The following SLC25A21 variants were observed in gnomAD, a reference collection of about 807,000 sequenced individuals.
SLC25A21 encodes the protein solute carrier family 25 member 21, also known as mitochondrial 2-oxodicarboxylate carrier.
Under a neutral mutation model 43.8 loss-of-function variants are expected in SLC25A21, and 47 were observed. That is an observed-to-expected ratio of 1.07 (90% CI 0.85 to 1.37). The LOEUF is 1.37. SLC25A21 is among the 40% of genes most tolerant of loss of function. The pLI is 0.00. For missense variants in SLC25A21, 352 were observed against 350.2 expected, an observed-to-expected ratio of 1.00 and a Z score of -0.04; for synonymous variants, 131 against 121.3, an observed-to-expected ratio of 1.08 and a Z score of -0.52.
rs569700410 is a variant in SLC25A21, at chr14:36,820,800, G to A, written c.120-6799C>T. Among the ~76,000 whole-genome samples, 11 of 152,254 alleles carry A rather than the reference G, an allele frequency of 7.2e-5. No individual in the cohort carries two copies. In the South Asian group the frequency reaches 1.7e-3, roughly 23 times the overall value. Reference sequence around the variant, plus strand: ...GATAATAAGTGGTGATGAGCCTAACGAAACTCCCTGCAGAGATTTCCGTGA... The same window carrying A: ...GATAATAAGTGGTGATGAGCCTAACAAAACTCCCTGCAGAGATTTCCGTGA... On this transcript the variant is annotated intron_variant, in intron 2 of 9. Transcript: ENST00000331299.
In SLC25A21 at chr14:37,102,730, A is replaced by T. The variant is rs538035655; in HGVS notation, c.70+69551T>A. Among the ~76,000 whole-genome samples, 11 of 151,730 alleles carry T rather than the reference A, an allele frequency of 7.2e-5. No individual in the cohort carries two copies. The South Asian group carries it at 2.1e-3, about 29-fold the overall frequency. On this transcript the variant is annotated intron_variant, in intron 1 of 9. Coordinates refer to ENST00000331299, the MANE Select transcript of SLC25A21 (RefSeq NM_030631.4). ...GCTGGGCATGGTGGCTCATACCTGT[A>T]ATCGCAGCACTTTGGGAGGCTGACG... is the stretch of plus-strand genomic sequence containing the variant.
chr14:37,069,453 C>A (rs1962129181), intron 1 of SLC25A21, among the ~76,000 whole-genome samples: 1 of 152,086 alleles, frequency 6.6e-6, no homozygotes, highest in South Asian at 2.1e-4. Context: ...GCGTAGACAT[C>A]CTTTAAAAAC....
In SLC25A21 at chr14:36,996,786, C is replaced by T. The variant is rs186241440; in HGVS notation, c.71-121782G>A. 1.5e-3 allele frequency among the ~76,000 whole-genome samples: 225 copies of T among 152,242 alleles called. 1 individual carries two copies. The highest frequency in any genetic ancestry group is 5.0e-3 in the African/African-American group (208 of 41,564). Reference sequence around the variant, plus strand: ...TCTCACAGGAGAAGTGACTTGGCCACGGCCCTGTCTCCTCAGAGTGTGTTC... The same window carrying T: ...TCTCACAGGAGAAGTGACTTGGCCATGGCCCTGTCTCCTCAGAGTGTGTTC... On this transcript the variant is annotated intron_variant, in intron 1 of 9. Coordinates refer to ENST00000331299, the MANE Select transcript of SLC25A21 (RefSeq NM_030631.4).
chr14:36,851,144 A>T (rs1203527612), intron 2 of SLC25A21, among the ~76,000 whole-genome samples: 3 of 152,222 alleles, frequency 2.0e-5, no homozygotes, highest in Non-Finnish European at 4.4e-5. Flanking sequence ...ATAGTTAACT[A>T]AACTTGGTAT....
At chr14:36,739,871 T>A (rs1483244419) in intron 3 of SLC25A21, among the ~76,000 whole-genome samples, 1 of 152,096 alleles carries the variant, frequency 6.6e-6, no homozygotes, top group Admixed American at 6.5e-5. Flanking sequence ...TTCAAACCCA[T>A]CATGGTGGCC....
At chr14:36,686,671 G>T (rs911814239) in intron 7 of SLC25A21, among the ~76,000 whole-genome samples, 4 of 152,210 alleles carry the variant, frequency 2.6e-5, no homozygotes, top group Non-Finnish European at 5.9e-5. Flanking sequence ...CAAACATTCT[G>T]TGAAAAGATG....
chr14:36,882,235 TAGTC>T (rs1890753700), intron 1 of SLC25A21, among the ~76,000 whole-genome samples: 1 of 151,922 alleles, frequency 6.6e-6, no homozygotes, highest in African/African-American at 2.4e-5. Flanking sequence ...ATACAAAAAT[TAGTC>T]AGGCGTGGTG....
intron 3 of SLC25A21, among the ~76,000 whole-genome samples, chr14:36,796,387 C>T (rs1403656370): frequency 2.0e-5 from 2 of 102,072 alleles, no homozygotes; most frequent in Admixed American, 2.0e-4. Flanking sequence ...CTCTCTTTCT[C>T]TTTCTTTCTC....
chr14:36,814,867 C>T (rs1197796894), intron 2 of SLC25A21, among the ~76,000 whole-genome samples: 1 of 152,172 alleles, frequency 6.6e-6, no homozygotes, highest in Non-Finnish European at 1.5e-5. Flanking sequence ...GACACATGCA[C>T]TTGTGTGTTT....
At chr14:36,781,128 T>A (rs1259062230) in intron 3 of SLC25A21, among the ~76,000 whole-genome samples, 1 of 152,178 alleles carries the variant, frequency 6.6e-6, no homozygotes, top group Non-Finnish European at 1.5e-5. Context: ...TTTGCCTGTA[T>A]AAGGATAGCC....
intron 1 of SLC25A21, among the ~76,000 whole-genome samples, chr14:36,876,958 T>C (rs897162331): frequency 2.0e-5 from 3 of 147,224 alleles, no homozygotes; most frequent in East Asian, 2.1e-4. Context: ...CACATACATA[T>C]ACATATATTA....
intron 3 of SLC25A21, among the ~76,000 whole-genome samples, chr14:36,773,490 C>T (rs966701088): frequency 1.3e-5 from 2 of 152,154 alleles, no homozygotes; most frequent in African/African-American, 4.8e-5. Context: ...GCAAAAACAA[C>T]ATGGATCTAT....
intron 1 of SLC25A21, among the ~76,000 whole-genome samples, chr14:36,966,060 T>C (rs542898102): frequency 1.3e-5 from 2 of 152,238 alleles, no homozygotes; most frequent in South Asian, 4.1e-4. Context: ...AATTAAACTC[T>C]TAAACAAACA....
intron 1 of SLC25A21, among the ~76,000 whole-genome samples, chr14:37,171,649 C>A (rs1446592746): frequency 6.6e-6 from 1 of 152,120 alleles, no homozygotes; most frequent in East Asian, 1.9e-4. Flanking sequence ...AAAAGTATTT[C>A]TAAGATTAAT....
intron 3 of SLC25A21, among the ~76,000 whole-genome samples, chr14:36,809,449 TGTTGA>T (rs1319939874): frequency 6.6e-6 from 1 of 152,150 alleles, no homozygotes; most frequent in Admixed American, 6.5e-5. Context: ...TGTAAAGCTG[TGTTGA>T]AAAGCCATGT....
At chr14:37,081,134 G>A (rs963539718) in intron 1 of SLC25A21, among the ~76,000 whole-genome samples, 1 of 152,160 alleles carries the variant, frequency 6.6e-6, no homozygotes, top group Non-Finnish European at 1.5e-5. Context: ...CATGATCCCT[G>A]TAAAGTGTTT....
chr14:36,684,845 A>G lies in SLC25A21; in HGVS notation c.684T>C (p.Phe228=), dbSNP rs760372757. ...CTTGAATCCTACTTTTGGCAACATCAAAAGGGATGTTAATGACTGAGGCTA... is the reference window on the plus strand; with the variant it reads ...CTTGAATCCTACTTTTGGCAACATCGAAAGGGATGTTAATGACTGAGGCTA... The part of the protein sequence containing the change: ...GTIASVINIP[F]DVAKSRIQGP... The change falls in exon 8 of 10, where the codon TTT becomes TTC. Residue 228 remains phenylalanine (F), a synonymous_variant. Transcript: ENST00000331299. 3.1e-6 allele frequency: 5 copies of G among 1,614,100 alleles called. No individual in the cohort carries two copies. Among genetic ancestry groups the G allele is most frequent in the Non-Finnish European group, 4.2e-6 (5 of 1,179,970 alleles).
intron 1 of SLC25A21, among the ~76,000 whole-genome samples, chr14:36,905,056 T>C (rs1274383479): frequency 6.6e-6 from 1 of 151,944 alleles, no homozygotes; most frequent in African/African-American, 2.4e-5. Flanking sequence ...AATTATTGGT[T>C]CTAAGGTACA....
intron 1 of SLC25A21, among the ~76,000 whole-genome samples, chr14:37,068,012 G>A (rs187453180): frequency 6.6e-6 from 1 of 152,344 alleles, no homozygotes; most frequent in Non-Finnish European, 1.5e-5. Context: ...CAGCAAAGCT[G>A]GATAGTGGTG....
Sources: gnomAD v4.1 joint callset for allele counts (sites outside exome capture counted in the v4.1 genomes callset) on GRCh38, gnomAD v4.1.1 for gene constraint, MANE v1.5 for transcripts, NCBI Gene and HGNC (gene_info 2026-07-23, HGNC 2026-07-21) for gene names.